Variants in ASB3 observed in about 807,000 individuals in gnomAD.
ASB3 encodes ankyrin repeat and SOCS box containing 3, also known as ankyrin repeat and SOCS box protein 3.
Under a neutral mutation model 54.5 loss-of-function variants are expected in ASB3, and 41 were observed. That is an observed-to-expected ratio of 0.75 (90% CI 0.59 to 0.98). The LOEUF (loss-of-function observed/expected upper bound fraction) is 0.98. Among genes scored for constraint, ASB3 ranks in the 50% least tolerant of loss-of-function variants. ASB3 has a pLI of 0.00. For missense variants in ASB3, 733 were observed against 620.0 expected (o/e 1.18, Z -1.94); for synonymous variants, 266 against 221.2 (o/e 1.20, Z -1.80).
At chr2:53,744,058 A>G (rs1382373993) in intron 3 of ASB3, among the ~76,000 whole-genome samples, 1 of 150,998 alleles carries the variant, frequency 6.6e-6, no homozygotes, top group Non-Finnish European at 1.5e-5. Context: ...AAAAAAAAAA[A>G]GTAATTAAAA....
intron 3 of ASB3, among the ~76,000 whole-genome samples, chr2:53,743,163 C>T (rs1009234744): frequency 1.5e-5 from 2 of 131,160 alleles, no homozygotes; most frequent in African/African-American, 2.9e-5. Flanking sequence ...AATTTTTTTA[C>T]CTTTTTTTTT....
At chr2:53,772,225 A>G (rs1468391754) in intron 1 of ASB3, among the ~76,000 whole-genome samples, 2 of 152,226 alleles carry the variant, frequency 1.3e-5, no homozygotes, top group Admixed American at 1.3e-4. Context: ...CCCAGGCTGG[A>G]GTGCAGTGGC....
intron 5 of ASB3, among the ~76,000 whole-genome samples, chr2:53,717,539 A>T (rs1446714531): frequency 1.3e-5 from 2 of 152,180 alleles, no homozygotes; most frequent in Non-Finnish European, 2.9e-5. Flanking sequence ...AAAAGAAAAA[A>T]ATCCCACCTG....
At chr2:53,671,353 C>CGT (rs142473697) in intron 9 of ASB3, among the ~76,000 whole-genome samples, 41,399 of 142,228 alleles carry the variant, frequency 0.29, 5,761 homozygotes, top group East Asian at 0.33. Context: ...GAACCCAAAG[C>CGT]GTGTGTGTGT....
chr2:53,738,164 A>C (rs963545500), intron 3 of ASB3, among the ~76,000 whole-genome samples: 2 of 152,204 alleles, frequency 1.3e-5, no homozygotes, highest in African/African-American at 4.8e-5. Context: ...TAATCAATGG[A>C]GGATAATGAG....
At chr2:53,702,713 C>G (rs1334827422) in intron 7 of ASB3, among the ~76,000 whole-genome samples, 1 of 152,058 alleles carries the variant, frequency 6.6e-6, no homozygotes, top group African/African-American at 2.4e-5. Context: ...CATTTTCTAC[C>G]ACTCCGCTCC....
chr2:53,706,734 T>C (rs879454622), intron 7 of ASB3, among the ~76,000 whole-genome samples: 1 of 152,162 alleles, frequency 6.6e-6, no homozygotes, highest in Non-Finnish European at 1.5e-5. Flanking sequence ...CATGAGCCAC[T>C]GCACCCAGCC....
rs542692204 is a variant in ASB3 at position 53,688,933 on chromosome 2, GA to G, written c.1369+4950del. ...ATGTATCCCAGAACTTAAAGTGTAA[GA>G]AAAAAAAAAGAAAAAGGATTTGTGG... is the stretch of plus-strand genomic sequence containing the variant. On this transcript the variant is annotated intron_variant, in intron 9 of 9. Coordinates refer to ENST00000263634, the MANE Select transcript of ASB3 (RefSeq NM_016115.5). 6.1e-3 allele frequency among the ~76,000 whole-genome samples: 886 copies of G among 145,672 alleles called. 6 individuals are homozygous for G. The highest frequency in any genetic ancestry group is 0.017 in the African/African-American group (693 of 39,792).
chr2:53,709,556 G>A (rs763569384), intron 7 of ASB3, among the ~76,000 whole-genome samples: 19 of 152,202 alleles, frequency 1.2e-4, no homozygotes, highest in Non-Finnish European at 2.1e-4. Context: ...GAGGTGGAAA[G>A]AGCATGTTTC....
At position 53,750,910 on chromosome 2, in the gene ASB3, G is replaced by C; in HGVS notation, c.228C>G (p.Thr76=). ...GATGCAAAGCACAGAAACCTTCAAA[G>C]GTCTTCATCTTAATGTAGTTTTCAG... ...DSSENYIKMK[T]FEGFCALHLA... The change falls in exon 3 of 10, where the codon ACC becomes ACG. Residue 76 remains threonine, a synonymous_variant. Transcript: ENST00000263634. The C allele has an allele frequency of 1.3e-6, 2 of 1,588,584 alleles. No homozygotes were observed. The highest frequency in any genetic ancestry group is 2.4e-5 in the South Asian group (2 of 84,454).
At chr2:53,737,434 G>T (rs1330413722) in intron 3 of ASB3, among the ~76,000 whole-genome samples, 1 of 152,160 alleles carries the variant, frequency 6.6e-6, no homozygotes, top group African/African-American at 2.4e-5. Flanking sequence ...TGTGCAGACA[G>T]GAGGCCTCTG....
chr2:53,672,652 C>T (rs916899545), intron 9 of ASB3, among the ~76,000 whole-genome samples: 2 of 152,172 alleles, frequency 1.3e-5, no homozygotes, highest in Non-Finnish European at 2.9e-5. Flanking sequence ...TACATGAACA[C>T]ATCTAGAATG....
rs1387349161 is a variant in ASB3, at chr2:53,670,811, GACT to G, written c.1370-124_1370-122del. On this transcript the variant is annotated intron_variant, in intron 9 of 9. Transcript: ENST00000263634. The stretch of plus-strand genomic sequence containing the variant: ...AAAAGTGATATATTGCTTGAAAGAA[GACT>G]ACTTTGAGTCAGTATGACCACAATA... 2.6e-6 allele frequency: 3 copies of G among 1,161,252 alleles called. No homozygotes were observed. The African/African-American group carries it at 4.7e-5, about 18-fold the overall frequency. 71.9% of individuals were successfully genotyped at this position (1,161,252 alleles called of 1,614,324 possible).
chr2:53,760,576 C>T (rs542249419), intron 2 of ASB3, among the ~76,000 whole-genome samples: 6 of 152,308 alleles, frequency 3.9e-5, no homozygotes, highest in Admixed American at 3.3e-4. Flanking sequence ...TAGCTTCTTC[C>T]CCTCAGGATG....
At chr2:53,670,725 T>A (rs1357254905) in intron 9 of ASB3, 35 bp from the exon 10 acceptor site, 1 of 1,585,130 alleles carries the variant, frequency 6.3e-7, no homozygotes, top group Non-Finnish European at 8.6e-7. Context: ...GAAACTTTTT[T>A]AAACAGAAAG....
rs746767794 is a variant in ASB3 at position 53,700,534 on chromosome 2, C to T, written c.981-6G>A. On this transcript the variant is annotated splice_polypyrimidine_tract_variant and splice_region_variant and intron_variant, in intron 7 of 9. Coordinates refer to ENST00000263634, the MANE Select transcript of ASB3 (RefSeq NM_016115.5). Reference sequence around the variant, plus strand: ...CAATTCCAAAGAACTCACAGCTCCACCATAAAAAATAAAAACAAAAAAAGA... The same window carrying T: ...CAATTCCAAAGAACTCACAGCTCCATCATAAAAAATAAAAACAAAAAAAGA... 5 of 1,580,102 alleles carry T rather than the reference C, an allele frequency of 3.2e-6. No individual in the cohort carries two copies. The highest frequency in any genetic ancestry group is 3.4e-4 in the Middle Eastern group (2 of 5,836).
intron 1 of ASB3, chr2:53,775,234 C>A (rs1674247234): frequency 6.6e-6 from 1 of 152,502 alleles, no homozygotes; most frequent in Non-Finnish European, 1.5e-5. Context: ...TAATCTTATA[C>A]CAAAACTGAA....
chr2:53,749,653 C>A (rs546616071), intron 3 of ASB3, among the ~76,000 whole-genome samples: 53 of 152,106 alleles, frequency 3.5e-4, no homozygotes, highest in Admixed American at 3.0e-3. Context: ...TTGATACATG[C>A]AACAATATGG....
At chr2:53,709,253 G>GC (rs1669958024) in intron 7 of ASB3, among the ~76,000 whole-genome samples, 1 of 152,192 alleles carries the variant, frequency 6.6e-6, no homozygotes. Context: ...GCTCAAAGGG[G>GC]CCCAGGTACA....
Sources: gnomAD v4.1 joint callset for allele counts (sites outside exome capture counted in the v4.1 genomes callset) on GRCh38, gnomAD v4.1.1 for gene constraint, MANE v1.5 for transcripts, NCBI Gene and HGNC (gene_info 2026-07-23, HGNC 2026-07-21) for gene names.